RANBP3: variants seen among roughly 807,000 people sequenced by gnomAD.
RANBP3 encodes ran-binding protein 3.
RANBP3 carries 14 observed loss-of-function variants against 77.3 expected under a neutral mutation model. The ratio of observed to expected loss-of-function variants is 0.18; its 90% CI spans 0.12 to 0.28. The LOEUF is 0.28. RANBP3 is among the 10% of genes least tolerant of loss of function. The pLI, the probability that RANBP3 is intolerant of heterozygous loss-of-function variation, is 1.00. For missense variants in RANBP3, 586 were observed against 752.3 expected (o/e 0.78, Z 2.59); for synonymous variants, 315 against 312.4 (o/e 1.01, Z -0.09).
Position 5,924,047 on chromosome 19 carries a change from G to C in RANBP3, c.997-133C>G. ...TCCTGCCCACTCCCGGTGACACCCT[G>C]AACTGCCTGGGAGCTCCCCACGTGG... On this transcript the variant is annotated intron_variant, in intron 11 of 16. Transcript: ENST00000340578. This position sits in a 1 kb window ranked among gnomAD's most constrained non-coding sequence, Gnocchi z 4.7. 1.5e-6 allele frequency: 1 copy of C among 684,796 alleles called. No homozygotes were observed. The highest frequency in any genetic ancestry group is 1.8e-5 in the African/African-American group (1 of 55,962). 42.4% of individuals were successfully genotyped at this position (684,796 alleles called of 1,614,324 possible). A position where few individuals can be genotyped will look rare whatever the true frequency, so the allele number is the denominator to read the frequency against.
chr19:5,977,913 G>A, intron 1 of RANBP3, 148 bp downstream of exon 1: 3 of 1,020,304 alleles, frequency 2.9e-6, no homozygotes, highest in Non-Finnish European at 2.7e-6. Flanking sequence ...GACGCAATAG[G>A]GGGCGGCTGC....
chr19:5,919,078 C>T (rs2057783688), intron 14 of RANBP3, among the ~76,000 whole-genome samples: 1 of 152,166 alleles, frequency 6.6e-6, no homozygotes, highest in Non-Finnish European at 1.5e-5. Context: ...ACATCGGCCT[C>T]CATGGGAGTC....
chr19:5,920,967 G>C (rs1225241601), intron 14 of RANBP3: 2 of 364,816 alleles, frequency 5.5e-6, no homozygotes, highest in South Asian at 1.4e-4. Flanking sequence ...TGTCCATTTT[G>C]ACACTAAGAG....
intron 5 of RANBP3, among the ~76,000 whole-genome samples, chr19:5,938,323 T>C (rs1436620171): frequency 6.6e-6 from 1 of 151,928 alleles, no homozygotes; most frequent in Non-Finnish European, 1.5e-5. Flanking sequence ...AACCTTGGAG[T>C]TGGTTCTCCA....
At chr19:5,975,841 C>G (rs561826744) in intron 1 of RANBP3, among the ~76,000 whole-genome samples, 15 of 151,582 alleles carry the variant, frequency 9.9e-5, no homozygotes, top group African/African-American at 3.6e-4. Flanking sequence ...GAGGAATCAG[C>G]AGGAGAAAAG....
At position 5,917,538 on chromosome 19, in the gene RANBP3, G is replaced by C; in HGVS notation, c.*72C>G. On this transcript the variant is annotated 3_prime_UTR_variant, in exon 17 of 17. Transcript: ENST00000340578. ...GGCCCCGCACCTGGACGCTGCCGGT[G>C]GGGTGGGGGCGGGTGGGCGGGTGGA... 2 of 1,474,068 alleles carry C rather than the reference G, an allele frequency of 1.4e-6. No homozygotes were observed. The highest frequency in any genetic ancestry group is 2.5e-5 in the East Asian group (1 of 40,214). The allele number at this position is 1,474,068 out of a possible 1,614,324, so 91.3% of individuals were successfully genotyped here.
At chr19:5,948,709 A>T (rs2058238554) in intron 3 of RANBP3, among the ~76,000 whole-genome samples, 1 of 152,146 alleles carries the variant, frequency 6.6e-6, no homozygotes, top group East Asian at 1.9e-4. Flanking sequence ...CTGAGGGTCA[A>T]ATCCTGTGCA....
intron 14 of RANBP3, among the ~76,000 whole-genome samples, chr19:5,919,744 TA>T (rs921517814): frequency 6.6e-6 from 1 of 151,778 alleles, no homozygotes; most frequent in African/African-American, 2.4e-5. Flanking sequence ...ACTTAAAGTA[TA>T]AAAAAATTAG....
At chr19:5,936,796 A>C (rs2058069840) in intron 5 of RANBP3, among the ~76,000 whole-genome samples, 1 of 152,138 alleles carries the variant, frequency 6.6e-6, no homozygotes, top group Non-Finnish European at 1.5e-5. Context: ...TGCCAACAGA[A>C]GCTCGCCTGT....
rs912427937 is a variant in RANBP3 at position 5,931,628 on chromosome 19, C to A, written c.566-97G>T. On this transcript the variant is annotated intron_variant, in intron 7 of 16. Transcript: ENST00000340578. ...GGGCTGGGCCACGTCTAGTCTAGGGCCCCTCCCATGGTAAAGCCCACAGCA... is the reference window on the plus strand; with the variant it reads ...GGGCTGGGCCACGTCTAGTCTAGGGACCCTCCCATGGTAAAGCCCACAGCA... 17 of 1,368,344 alleles carry A rather than the reference C, an allele frequency of 1.2e-5. No individual in the cohort carries two copies. In the African/African-American group the frequency reaches 2.2e-4, roughly 17 times the overall value. 84.8% of individuals were successfully genotyped at this position (1,368,344 alleles called of 1,614,324 possible).
rs779490542 is a variant in RANBP3 at position 5,951,615 on chromosome 19, A to G, written c.79-19T>C. ...CAGGGGACTGGGAGCAAAAAAGACA[A>G]TTTTCCTTCAATGTGAATAAAGGCT... is the stretch of plus-strand genomic sequence containing the variant. On this transcript the variant is annotated intron_variant, in intron 2 of 16. Coordinates refer to ENST00000340578, the MANE Select transcript of RANBP3 (RefSeq NM_007322.3). 6 of 1,604,632 alleles carry G rather than the reference A, an allele frequency of 3.7e-6. No individual in the cohort carries two copies. The South Asian group carries it at 6.7e-5, about 18-fold the overall frequency.
intron 5 of RANBP3, 139 bp from the exon 6 acceptor site, chr19:5,933,618 C>A: frequency 1.6e-6 from 1 of 611,490 alleles, no homozygotes; most frequent in Non-Finnish European, 2.8e-6. Flanking sequence ...TTCCAAATTA[C>A]AACAGAAGTC....
intron 12 of RANBP3, 91 bp downstream of exon 12, chr19:5,923,721 C>T: frequency 1.9e-6 from 2 of 1,056,728 alleles, no homozygotes; most frequent in Non-Finnish European, 2.9e-6. Context: ...AGTCGGGCCC[C>T]TTATCCCTCC....
At chr19:5,923,707 C>A in intron 12 of RANBP3, 105 bp downstream of exon 12, 2 of 822,956 alleles carry the variant, frequency 2.4e-6, no homozygotes, top group South Asian at 3.2e-5. Flanking sequence ...GTTACTGCTG[C>A]GGGAGTCGGG....
At position 5,949,972 on chromosome 19, in the gene RANBP3, T is replaced by G. The variant is rs538304133; in HGVS notation, c.282+1421A>C. On this transcript the variant is annotated intron_variant, in intron 3 of 16. Transcript: ENST00000340578. ...GCTGGAGAGTCCTATGTGGGCTGCA[T>G]TTTTCAAACCCAGGCACCTGCAGAA... Among the ~76,000 whole-genome samples, 65 of 152,252 alleles carry G rather than the reference T, an allele frequency of 4.3e-4. 2 individuals carry two copies. The highest frequency in any genetic ancestry group is 1.5e-3 in the African/African-American group (64 of 41,550).
At position 5,941,842 on chromosome 19, in the gene RANBP3, C is replaced by A; in HGVS notation, c.283-7G>T. ...TGGAGCCGCCAGCTGACCTCTGAAA[C>A]AAGGAGCACACAGCCGGGGTCAGAG... is the stretch of plus-strand genomic sequence containing the variant. On this transcript the variant is annotated splice_region_variant and splice_polypyrimidine_tract_variant and intron_variant, in intron 3 of 16. Coordinates refer to ENST00000340578, the MANE Select transcript of RANBP3 (RefSeq NM_007322.3). The A allele has an allele frequency of 6.2e-7, 1 of 1,612,150 alleles. No individual in the cohort carries two copies. The highest frequency in any genetic ancestry group is 1.3e-5 in the African/African-American group (1 of 74,944).
At position 5,921,353 on chromosome 19, in the gene RANBP3, C is replaced by T. The variant is rs747898324; in HGVS notation, c.1210-32G>A. Reference sequence around the variant, plus strand: ...CACAGTGGCCGCCGGTAAGCAGGGACCCCAGCTGGTGTCCTGCTGCAGCCA... The same window carrying T: ...CACAGTGGCCGCCGGTAAGCAGGGATCCCAGCTGGTGTCCTGCTGCAGCCA... On this transcript the variant is annotated intron_variant, in intron 13 of 16. Transcript: ENST00000340578. The surrounding 1 kb of genome is among the most constrained non-coding windows in gnomAD (Gnocchi z 5.3). 1 of 1,610,598 alleles carries T rather than the reference C, an allele frequency of 6.2e-7. No homozygotes were observed. The highest frequency in any genetic ancestry group is 1.1e-5 in the South Asian group (1 of 90,852).
chr19:5,950,056 G>A (rs2058255893), intron 3 of RANBP3, among the ~76,000 whole-genome samples: 1 of 152,162 alleles, frequency 6.6e-6, no homozygotes, highest in African/African-American at 2.4e-5. Flanking sequence ...ACGGAAACCT[G>A]AGAACACCAT....
intron 1 of RANBP3, among the ~76,000 whole-genome samples, chr19:5,968,158 G>C (rs1481414588): frequency 6.6e-6 from 1 of 152,246 alleles, no homozygotes; most frequent in African/African-American, 2.4e-5. Flanking sequence ...GAAGACTCGG[G>C]AAAGTTCCAG....
Sources: gnomAD v4.1 joint callset for allele counts (sites outside exome capture counted in the v4.1 genomes callset) on GRCh38, gnomAD v4.1.1 for gene constraint, Gnocchi (gnomAD v3.1) non-coding constraint, MANE v1.5 for transcripts, NCBI Gene and HGNC (gene_info 2026-07-23, HGNC 2026-07-21) for gene names.